Variants in MYO1D observed in about 807,000 individuals in gnomAD.
MYO1D encodes myosin ID, also known as unconventional myosin-Id.
MYO1D carries 83 observed loss-of-function variants against 122.0 expected under a neutral mutation model. The ratio of observed to expected loss-of-function variants is 0.68; its 90% CI spans 0.57 to 0.82. MYO1D has a LOEUF of 0.82. MYO1D is among the 40% of genes least tolerant of loss of function. MYO1D has a pLI of 0.00. For synonymous variants in MYO1D, 464 were observed against 446.9 expected, an observed-to-expected ratio of 1.04 and a Z score of -0.48; for missense variants, 1,157 against 1,269.5, an observed-to-expected ratio of 0.91 and a Z score of 1.35.
chr17:32,662,642 C>A (rs968943163), intron 16 of MYO1D, among the ~76,000 whole-genome samples: 4 of 151,792 alleles, frequency 2.6e-5, no homozygotes, highest in Admixed American at 2.6e-4. Context: ...CATTGCATTG[C>A]AGCCTGGGTG....
intron 21 of MYO1D, among the ~76,000 whole-genome samples, chr17:32,539,745 G>C (rs139788599): frequency 6.6e-6 from 1 of 152,284 alleles, no homozygotes; most frequent in East Asian, 1.9e-4. Flanking sequence ...TCTGCAAAGA[G>C]CCTTTTTCCA....
chr17:32,833,403 G>C (rs761376672), intron 1 of MYO1D, among the ~76,000 whole-genome samples: 5 of 152,022 alleles, frequency 3.3e-5, no homozygotes, highest in African/African-American at 9.7e-5. Flanking sequence ...CCTCTGCTGC[G>C]ATCACCCAGG....
chr17:32,797,280 T>C (rs898305522), intron 1 of MYO1D, among the ~76,000 whole-genome samples: 10 of 152,346 alleles, frequency 6.6e-5, no homozygotes, highest in Non-Finnish European at 1.0e-4. Flanking sequence ...GCTGCATCAC[T>C]TTTCTAAAAA....
chr17:32,561,898 T>G lies in MYO1D; in HGVS notation c.2864+43189A>C, dbSNP rs573774950. ...AATTTTCTGTGATTATCAAGCAATA[T>G]GTCCTCATTGAAGTAAAGCTGGAAA... is the stretch of plus-strand genomic sequence containing the variant. On this transcript the variant is annotated intron_variant, in intron 21 of 21. Coordinates refer to ENST00000318217, the MANE Select transcript of MYO1D (RefSeq NM_015194.3). Among the ~76,000 whole-genome samples, 18 of 152,298 alleles carry G rather than the reference T, an allele frequency of 1.2e-4. No homozygotes were observed. The South Asian group carries it at 3.3e-3, about 28-fold the overall frequency.
intron 21 of MYO1D, among the ~76,000 whole-genome samples, chr17:32,523,790 CAA>C (rs34905929): frequency 8.3e-4 from 76 of 91,650 alleles, no homozygotes; most frequent in Middle Eastern, 5.7e-3. Context: ...GACCCTGTCT[CAA>C]AAAAAAAAAA....
intron 21 of MYO1D, among the ~76,000 whole-genome samples, chr17:32,521,990 G>A (rs1346055329): frequency 6.7e-6 from 1 of 149,948 alleles, no homozygotes; most frequent in East Asian, 2.0e-4. Context: ...GCTGAGGCAG[G>A]AGAATTGCTT....
chr17:32,597,760 C>A (rs186447883), intron 21 of MYO1D, among the ~76,000 whole-genome samples: 4 of 147,296 alleles, frequency 2.7e-5, no homozygotes, highest in Middle Eastern at 3.8e-3. Context: ...CCCAGCTACT[C>A]GGGAGGCTGA....
chr17:32,702,215 A>G (rs2089256541), intron 16 of MYO1D, among the ~76,000 whole-genome samples: 2 of 152,154 alleles, frequency 1.3e-5, no homozygotes, highest in South Asian at 4.1e-4. Context: ...TCCCACTATT[A>G]TACTTGTGTG....
intron 16 of MYO1D, among the ~76,000 whole-genome samples, chr17:32,702,848 G>A (rs540528879): frequency 1.3e-5 from 2 of 152,164 alleles, no homozygotes; most frequent in East Asian, 1.9e-4. Flanking sequence ...GATGCTACAA[G>A]CTGCGAGCCA....
intron 21 of MYO1D, among the ~76,000 whole-genome samples, chr17:32,520,483 G>A (rs542583892): frequency 2.0e-5 from 3 of 152,232 alleles, no homozygotes; most frequent in African/African-American, 7.2e-5. Context: ...TTATCCATCA[G>A]GCAAAGTCCC....
intron 1 of MYO1D, among the ~76,000 whole-genome samples, chr17:32,788,023 T>G (rs1037644104): frequency 1.3e-5 from 2 of 152,200 alleles, no homozygotes; most frequent in Non-Finnish European, 2.9e-5. Context: ...TGGTTTCATA[T>G]TTTTGCAATT....
At chr17:32,733,794 C>G (rs755245382) in intron 14 of MYO1D, among the ~76,000 whole-genome samples, 2 of 152,178 alleles carry the variant, frequency 1.3e-5, no homozygotes, top group Non-Finnish European at 2.9e-5. Context: ...ATATTTCTTA[C>G]TTTTCGTTAG....
chr17:32,502,246 A>G (rs1409743655), intron 21 of MYO1D, among the ~76,000 whole-genome samples: 3 of 152,252 alleles, frequency 2.0e-5, no homozygotes, highest in Non-Finnish European at 4.4e-5. Context: ...AAGTATTAGC[A>G]CATGTTACAA....
rs1042934495 is a variant in MYO1D at position 32,590,280 on chromosome 17, C to G, written c.2864+14807G>C. On this transcript the variant is annotated intron_variant, in intron 21 of 21. Coordinates refer to ENST00000318217, the MANE Select transcript of MYO1D (RefSeq NM_015194.3). ...AAGTTTTTGCATATTCTCCTCCCTT[C>G]TATGGGGAGCATCTCACCTCATCCC... Among the ~76,000 whole-genome samples the G allele has an allele frequency of 5.3e-5, 8 of 152,296 alleles. No homozygotes were observed. The South Asian group carries it at 1.2e-3, about 24-fold the overall frequency.
chr17:32,720,675 T>C (rs899299393), intron 15 of MYO1D, among the ~76,000 whole-genome samples: 6 of 152,174 alleles, frequency 3.9e-5, no homozygotes, highest in African/African-American at 1.2e-4. Flanking sequence ...ATTTCACAGA[T>C]GCAAAAACAG....
intron 20 of MYO1D, among the ~76,000 whole-genome samples, chr17:32,627,122 G>A (rs1171125260): frequency 2.6e-5 from 4 of 152,078 alleles, no homozygotes; most frequent in African/African-American, 9.7e-5. Context: ...CAGCTCCCAG[G>A]ACTACTGAGA....
chr17:32,561,499 C>T (rs1390397260), intron 21 of MYO1D, among the ~76,000 whole-genome samples: 1 of 151,684 alleles, frequency 6.6e-6, no homozygotes, highest in Non-Finnish European at 1.5e-5. Context: ...AACATCCTGG[C>T]CAACATGGTG....
intron 1 of MYO1D, among the ~76,000 whole-genome samples, chr17:32,800,960 C>T (rs1231789709): frequency 1.3e-5 from 2 of 152,048 alleles, no homozygotes; most frequent in African/African-American, 2.4e-5. Context: ...CTGATTCGAC[C>T]AGTCCACAAT....
At chr17:32,810,773 T>C (rs1324339068) in intron 1 of MYO1D, among the ~76,000 whole-genome samples, 1 of 152,196 alleles carries the variant, frequency 6.6e-6, no homozygotes, top group Non-Finnish European at 1.5e-5. Flanking sequence ...AATCTAACTT[T>C]TAATATGCCT....
Sources: gnomAD v4.1 joint callset for allele counts (sites outside exome capture counted in the v4.1 genomes callset) on GRCh38, gnomAD v4.1.1 for gene constraint, MANE v1.5 for transcripts, NCBI Gene and HGNC (gene_info 2026-07-23, HGNC 2026-07-21) for gene names.